Variants in NCAPD3 observed in about 807,000 individuals in gnomAD.
NCAPD3 encodes non-SMC condensin II complex subunit D3.
NCAPD3 carries 105 observed loss-of-function variants against 182.9 expected under a neutral mutation model. That is an observed-to-expected ratio of 0.57 (90% CI 0.49 to 0.68). The LOEUF is 0.68. Among genes scored for constraint, NCAPD3 ranks in the 30% least tolerant of loss-of-function variants. The pLI is 0.00. For missense variants in NCAPD3, 1,944 were observed against 1,837.0 expected, an observed-to-expected ratio of 1.06 and a Z score of -1.07; for synonymous variants, 815 against 679.9, an observed-to-expected ratio of 1.20 and a Z score of -3.09.
intron 14 of NCAPD3, among the ~76,000 whole-genome samples, 184 bp from the exon 15 acceptor site, chr11:134,194,334 A>G (rs538356559): frequency 2.6e-4 from 40 of 152,344 alleles, no homozygotes; most frequent in African/African-American, 9.6e-4. Flanking sequence ...TCTCTCAGAG[A>G]AAAACAAATT....
chr11:134,223,613 G>A lies in NCAPD3; in HGVS notation c.64+250C>T, dbSNP rs976430499. The A allele has an allele frequency of 1.8e-5, 12 of 661,454 alleles. No individual in the cohort carries two copies. The East Asian group carries it at 2.5e-4, about 14-fold the overall frequency. 41.0% of individuals were successfully genotyped at this position (661,454 alleles called of 1,614,324 possible). ...GAAGAAGGGGAAGGCCGAGAAAACA[G>A]ATGCACAGGCGCTAGAAGAGACTGG... is the stretch of plus-strand genomic sequence containing the variant. On this transcript the variant is annotated intron_variant, in intron 1 of 34. Coordinates refer to ENST00000534548, the MANE Select transcript of NCAPD3 (RefSeq NM_015261.3).
chr11:134,223,983 G>C, upstream of NCAPD3: 1 of 1,592,154 alleles, frequency 6.3e-7, no homozygotes, highest in Non-Finnish European at 8.6e-7. Context: ...TCGCTCCCGC[G>C]CGCGCGCCGA....
intron 13 of NCAPD3, among the ~76,000 whole-genome samples, chr11:134,200,037 T>C (rs1177697083): frequency 6.6e-6 from 1 of 152,186 alleles, no homozygotes; most frequent in East Asian, 1.9e-4. Context: ...GTCAACTGGA[T>C]AGTCACATGC....
rs755095327 is a variant in NCAPD3 at position 134,216,969 on chromosome 11, C to A, written c.349G>T (p.Ala117Ser). The change falls in exon 3 of 35, where the codon GCT becomes TCT. Residue 117 changes from alanine to serine, a missense_variant. Around this residue, in one of 3 missense-constraint regions of NCAPD3, gnomAD observed 10 missense variants for 28.4 expected, o/e 0.35. Coordinates refer to ENST00000534548, the MANE Select transcript of NCAPD3 (RefSeq NM_015261.3). ...VQYREYGLHA[A>S]GLYFLLLEVP... The stretch of plus-strand genomic sequence containing the variant: ...TCTAGTAGCAAAAAGTAAAGCCCAG[C>A]GGCATGAAGGCCATATTCTCGATAC... 3 of 1,612,812 alleles carry A rather than the reference C, an allele frequency of 1.9e-6. No homozygotes were observed. The highest frequency in any genetic ancestry group is 3.3e-5 in the Admixed American group (2 of 59,854).
chr11:134,183,681 C>T (rs1944343112), intron 19 of NCAPD3, among the ~76,000 whole-genome samples: 1 of 152,088 alleles, frequency 6.6e-6, no homozygotes, highest in Non-Finnish European at 1.5e-5. Flanking sequence ...AAGATAGATA[C>T]CAGAAAAACA....
At chr11:134,186,985 T>C (rs554023206) in intron 16 of NCAPD3, among the ~76,000 whole-genome samples, 7 of 152,318 alleles carry the variant, frequency 4.6e-5, no homozygotes, top group South Asian at 2.1e-4. Flanking sequence ...AAATATTAAG[T>C]AATGTTTATT....
chr11:134,172,355 C>CCA (rs1289823325), intron 24 of NCAPD3, among the ~76,000 whole-genome samples: 26 of 152,202 alleles, frequency 1.7e-4, no homozygotes, highest in African/African-American at 6.3e-4. Context: ...GACCCTGTTG[C>CCA]CACACTGGAG....
intron 34 of NCAPD3, 37 bp from the exon 35 acceptor site, chr11:134,153,089 GA>G: frequency 1.2e-6 from 2 of 1,612,426 alleles, no homozygotes; most frequent in Non-Finnish European, 1.7e-6. Context: ...CTGGAACTCA[GA>G]AAAACCCTGA....
At chr11:134,177,133 A>G in intron 23 of NCAPD3, 86 bp downstream of exon 23, 1 of 1,060,230 alleles carries the variant, frequency 9.4e-7, no homozygotes, top group East Asian at 2.4e-5. Context: ...ACTACAAAGC[A>G]AGCACATTTC....
Position 134,177,607 on chromosome 11 carries a change from A to T in NCAPD3, c.2783-150T>A, listed in dbSNP as rs1039508752. The T allele has an allele frequency of 4.0e-5, 26 of 651,396 alleles. No individual in the cohort carries two copies. In the African/African-American group the frequency reaches 4.4e-4, roughly 11 times the overall value. The allele number at this position is 651,396 out of a possible 1,614,324, so 40.4% of individuals were successfully genotyped here. A position where few individuals can be genotyped will look rare whatever the true frequency, so the allele number is the denominator to read the frequency against. On this transcript the variant is annotated intron_variant, in intron 22 of 34. Coordinates refer to ENST00000534548, the MANE Select transcript of NCAPD3 (RefSeq NM_015261.3). ...TCACAAACAACAAAAAACTAAAGGC[A>T]GACAGACCCATCTTGAATAGTCGAA...
rs368015791 is a variant in NCAPD3, at chr11:134,194,730, C to T, written c.1624G>A (p.Val542Ile). The change falls in exon 14 of 35, where the codon GTC becomes ATC. Residue 542 changes from valine to isoleucine, a missense_variant. By Grantham distance (29) the Val-to-Ile change is conservative. Around this residue, in one of 3 missense-constraint regions of NCAPD3, gnomAD observed 1,803 missense variants for 1,674.6 expected, o/e 1.08. Coordinates refer to ENST00000534548, the MANE Select transcript of NCAPD3 (RefSeq NM_015261.3). ...ATCCTCCTTCTCAGCATTGCCATGA[C>T]ACATCTTTCTGTAGAGGGAATACCA... ...GETVGSGERC[V>I]MAMLRRRIRD... The T allele has an allele frequency of 2.5e-6, 4 of 1,604,644 alleles. No homozygotes were observed. The African/African-American group carries it at 5.4e-5, about 22-fold the overall frequency.
chr11:134,211,850 A>G (rs1474774506), intron 3 of NCAPD3, among the ~76,000 whole-genome samples: 1 of 152,142 alleles, frequency 6.6e-6, no homozygotes, highest in Non-Finnish European at 1.5e-5. Context: ...GCTAATAAAG[A>G]CTCAGTGACC....
chr11:134,178,684 C>G lies in NCAPD3; in HGVS notation c.2732G>C (p.Arg911Thr), dbSNP rs766360496. The change falls in exon 22 of 35, where the codon AGA becomes ACA. Residue 911 changes from arginine to threonine, a missense_variant. Physicochemically the swap from Arg to Thr is moderately conservative, Grantham distance 71 (BLOSUM62 -1). This residue lies in a region of NCAPD3 where 1,803 missense variants were observed against 1,674.6 expected (regional missense o/e 1.08). Transcript: ENST00000534548. ...AATCACAGAGGGCATGACAGAACCTCTGACCTGGGGGGGTGGCTGAGACGC... is the reference window on the plus strand; with the variant it reads ...AATCACAGAGGGCATGACAGAACCTGTGACCTGGGGGGGTGGCTGAGACGC... ...APASQPPPQV[R>T]GSVMPSVIRA... The G allele has an allele frequency of 4.4e-6, 7 of 1,599,434 alleles. No homozygotes were observed. The East Asian group carries it at 1.6e-4, about 36-fold the overall frequency.
chr11:134,184,808 T>C lies in NCAPD3; in HGVS notation c.2336-56A>G, dbSNP rs74406420. Reference sequence around the variant, plus strand: ...AACTGCTTAAATATATTCAGGTATATATACACACACACACACACACACACA... The same window carrying C: ...AACTGCTTAAATATATTCAGGTATACATACACACACACACACACACACACA... On this transcript the variant is annotated intron_variant, in intron 18 of 34. Transcript: ENST00000534548. 2.7e-3 allele frequency: 2,584 copies of C among 954,898 alleles called. 8 individuals are homozygous for C. Among genetic ancestry groups the C allele is most frequent in the Non-Finnish European group, 3.5e-3 (2,286 of 652,128 alleles). The allele number at this position is 954,898 out of a possible 1,614,324, so 59.2% of individuals were successfully genotyped here. A position where few individuals can be genotyped will look rare whatever the true frequency, so the allele number is the denominator to read the frequency against.
intron 16 of NCAPD3, among the ~76,000 whole-genome samples, chr11:134,186,749 G>A (rs1944414309): frequency 6.6e-6 from 1 of 152,050 alleles, no homozygotes; most frequent in Non-Finnish European, 1.5e-5. Flanking sequence ...AAAACATACA[G>A]AATAAGGTAA....
chr11:134,197,135 T>G (rs1944648484), intron 13 of NCAPD3, among the ~76,000 whole-genome samples: 1 of 152,122 alleles, frequency 6.6e-6, no homozygotes, highest in African/African-American at 2.4e-5. Context: ...AAACGCCTGT[T>G]CCCTTTTGGC....
chr11:134,224,329 C>T (rs1047155086), upstream of NCAPD3: 7 of 294,356 alleles, frequency 2.4e-5, no homozygotes, highest in Non-Finnish European at 4.5e-5. Flanking sequence ...TGTCAAAGGG[C>T]TGCCTTTCCC....
In NCAPD3 at chr11:134,159,880, C is replaced by T; in HGVS notation, c.3867+12G>A. 2 of 1,608,712 alleles carry T rather than the reference C, an allele frequency of 1.2e-6. No homozygotes were observed. The highest frequency in any genetic ancestry group is 1.7e-6 in the Non-Finnish European group (2 of 1,178,454). ...GACTGTCTGGTCACAGTGCAGTGGGCCCCACACCTACCTGTGCCACAGGTG... is the reference window on the plus strand; with the variant it reads ...GACTGTCTGGTCACAGTGCAGTGGGTCCCACACCTACCTGTGCCACAGGTG... On this transcript the variant is annotated intron_variant, in intron 29 of 34. Coordinates refer to ENST00000534548, the MANE Select transcript of NCAPD3 (RefSeq NM_015261.3).
chr11:134,169,129 T>G, intron 24 of NCAPD3, 75 bp from the exon 25 acceptor site: 2 of 1,470,370 alleles, frequency 1.4e-6, no homozygotes, highest in South Asian at 1.3e-5. Context: ...CCAAGAACTC[T>G]GCTGAGCAGA....
Sources: gnomAD v4.1 joint callset for allele counts (sites outside exome capture counted in the v4.1 genomes callset) on GRCh38, gnomAD v4.1.1 for gene constraint, gnomAD v4.1.1 regional missense constraint, MANE v1.5 for transcripts, NCBI Gene and HGNC (gene_info 2026-07-23, HGNC 2026-07-21) for gene names.